TNRC6C: variants seen among roughly 807,000 people sequenced by gnomAD.
The protein encoded by TNRC6C is trinucleotide repeat containing adaptor 6C.
TNRC6C carries 20 observed loss-of-function variants against 153.7 expected under a neutral mutation model. The observed-to-expected ratio is 0.13, with a 90% CI of 0.09 to 0.19. TNRC6C has a LOEUF of 0.19. TNRC6C is among the 10% of genes least tolerant of loss of function. The probability of loss-of-function intolerance (pLI) is 1.00; values close to 1 mark genes in which losing one functional copy is unlikely to be tolerated. For synonymous variants in TNRC6C, 811 were observed against 841.4 expected, an observed-to-expected ratio of 0.96 and a Z score of 0.63; for missense variants, 1,987 against 2,172.0, an observed-to-expected ratio of 0.91 and a Z score of 1.69.
intron 1 of TNRC6C, among the ~76,000 whole-genome samples, chr17:78,015,953 G>T (rs1005189022): frequency 1.3e-5 from 2 of 152,096 alleles, no homozygotes; most frequent in African/African-American, 4.8e-5. Flanking sequence ...AAGTCTATAT[G>T]CTCTTAACCA....
chr17:77,965,759 TA>T (rs2070892119), intron 1 of TNRC6C, among the ~76,000 whole-genome samples: 1 of 152,156 alleles, frequency 6.6e-6, no homozygotes, highest in African/African-American at 2.4e-5. Flanking sequence ...AAACCTAAGG[TA>T]ATAGATCATT....
At chr17:78,102,741 C>CT (rs2073620514) in intron 18 of TNRC6C, 197 bp downstream of exon 21, 1 of 547,670 alleles carries the variant, frequency 1.8e-6, no homozygotes. Context: ...GCCCAGGGGC[C>CT]TCTTTTAACC....
intron 1 of TNRC6C, among the ~76,000 whole-genome samples, chr17:78,030,443 G>A (rs1044251912): frequency 6.6e-6 from 1 of 151,984 alleles, no homozygotes; most frequent in African/African-American, 2.4e-5. Context: ...TATGTGACTG[G>A]CAGGATGGTA....
intron 1 of TNRC6C, among the ~76,000 whole-genome samples, chr17:77,997,718 G>A (rs1431339121): frequency 6.6e-6 from 1 of 151,640 alleles, no homozygotes; most frequent in African/African-American, 2.4e-5. Flanking sequence ...GTGCAGTGGC[G>A]CGATCTCAGC....
chr17:78,083,524 A>G (rs2073219500), intron 11 of TNRC6C, among the ~76,000 whole-genome samples: 2 of 152,156 alleles, frequency 1.3e-5, no homozygotes, highest in South Asian at 4.1e-4. Context: ...GTGTTCAGAA[A>G]ATCTACCAAT....
intron 1 of TNRC6C, among the ~76,000 whole-genome samples, chr17:78,028,747 T>C (rs1325899195): frequency 6.6e-6 from 1 of 152,236 alleles, no homozygotes; most frequent in Non-Finnish European, 1.5e-5. Flanking sequence ...ATAAAAGGTA[T>C]GTACAGAACT....
intron 1 of TNRC6C, among the ~76,000 whole-genome samples, chr17:77,990,398 CCT>C (rs2071231651): frequency 6.6e-6 from 1 of 152,192 alleles, no homozygotes; most frequent in Non-Finnish European, 1.5e-5. Flanking sequence ...AAAAATTTAA[CCT>C]AAGTCTTCCC....
At chr17:78,092,282 T>C (rs1177163796) in intron 14 of TNRC6C, among the ~76,000 whole-genome samples, 4 of 152,220 alleles carry the variant, frequency 2.6e-5, no homozygotes, top group Admixed American at 2.6e-4. Context: ...CGGAAAATCA[T>C]CACACACTGC....
intron 1 of TNRC6C, among the ~76,000 whole-genome samples, chr17:78,017,535 G>A (rs2071750930): frequency 6.6e-6 from 1 of 152,190 alleles, no homozygotes; most frequent in Non-Finnish European, 1.5e-5. Flanking sequence ...TGACTGCACA[G>A]CTGTTCAGCT....
At chr17:77,958,468 A>T (rs2070829399), upstream of TNRC6C, among the ~76,000 whole-genome samples, 1 of 151,090 alleles carries the variant, frequency 6.6e-6, no homozygotes, top group Non-Finnish European at 1.5e-5. Context: ...GCGGGCGGGT[A>T]TTAAGGGGAA....
rs774470494 is a variant in TNRC6C at position 78,049,653 on chromosome 17, C to G, written c.591C>G (p.Ile197Met). 14 of 1,613,532 alleles carry G rather than the reference C, an allele frequency of 8.7e-6. No individual in the cohort carries two copies. The highest frequency in any genetic ancestry group is 5.0e-5 in the Admixed American group (3 of 60,002). The change falls in exon 3 of 20, where the codon ATC becomes ATG. Residue 197 changes from isoleucine to methionine, a missense_variant. Physicochemically the swap from Ile to Met is conservative, Grantham distance 10. This residue lies in a region of TNRC6C where 1,052 missense variants were observed against 1,017.0 expected (regional missense o/e 1.03). Transcript: ENST00000301624. The surrounding 1 kb of genome is among the most constrained non-coding windows in gnomAD (Gnocchi z 4.1). ...CCATGAACTCTTCACCCAACCCTATCAATGCAATGCAGACAAATGGACTGC... is the reference window on the plus strand; with the variant it reads ...CCATGAACTCTTCACCCAACCCTATGAATGCAATGCAGACAAATGGACTGC...
chr17:78,049,115 A>G lies in TNRC6C; in HGVS notation c.53A>G (p.Asn18Ser). ...TTCACTGGACATACCAAGAAGACAAATGGCAATAATGGCACCAATGGCGCA... is the reference window on the plus strand; with the variant it reads ...TTCACTGGACATACCAAGAAGACAAGTGGCAATAATGGCACCAATGGCGCA... The change falls in exon 3 of 20, where the codon AAT (asparagine) becomes AGT (serine). Residue 18 changes from asparagine to serine, a missense_variant. Transcript: ENST00000301624. The surrounding 1 kb of genome is among the most constrained non-coding windows in gnomAD (Gnocchi z 4.1). 1 of 1,585,118 alleles carries G rather than the reference A, an allele frequency of 6.3e-7. No individual in the cohort carries two copies. The highest frequency in any genetic ancestry group is 1.2e-5 in the South Asian group (1 of 85,502).
chr17:78,033,399 G>A (rs1165968998), intron 2 of TNRC6C, among the ~76,000 whole-genome samples: 1 of 152,214 alleles, frequency 6.6e-6, no homozygotes, highest in East Asian at 1.9e-4. Flanking sequence ...GCTGGGCACA[G>A]TGGCTCACGC....
chr17:78,077,354 G>A lies in TNRC6C; in HGVS notation c.3210+20G>A. 2 of 1,562,626 alleles carry A rather than the reference G, an allele frequency of 1.3e-6. No individual in the cohort carries two copies. The highest frequency in any genetic ancestry group is 1.2e-5 in the South Asian group (1 of 84,636). ...AGACAGGTAAGGCTGTTTGGAGAGAGCAAAACATGGCCTTTGTTTTACCTG... is the reference window on the plus strand; with the variant it reads ...AGACAGGTAAGGCTGTTTGGAGAGAACAAAACATGGCCTTTGTTTTACCTG... On this transcript the variant is annotated intron_variant, in intron 9 of 19. Coordinates refer to ENST00000301624, the Ensembl canonical transcript of TNRC6C.
chr17:78,036,519 A>C (rs1382295414), intron 2 of TNRC6C, among the ~76,000 whole-genome samples: 1 of 152,222 alleles, frequency 6.6e-6, no homozygotes, highest in African/African-American at 2.4e-5. Context: ...GAAATGGGAA[A>C]GTTTTTAAAG....
At chr17:78,051,294 G>A in exon 3 of TNRC6C, 1 of 1,552,002 alleles carries the variant, frequency 6.4e-7, no homozygotes, top group Non-Finnish European at 8.7e-7. Context: ...CTGTAAACAT[G>A]TGGGATAGAA....
chr17:78,089,313 G>T (rs1028194439), intron 13 of TNRC6C, among the ~76,000 whole-genome samples: 1 of 152,106 alleles, frequency 6.6e-6, no homozygotes, highest in African/African-American at 2.4e-5. Flanking sequence ...ACAAGTTAAA[G>T]AATTCATGCA....
intron 16 of TNRC6C, among the ~76,000 whole-genome samples, chr17:78,097,217 C>T (rs2073503182): frequency 6.6e-6 from 1 of 152,046 alleles, no homozygotes; most frequent in Admixed American, 6.6e-5. Flanking sequence ...ATTGCAACAG[C>T]CCCATCTCTT....
rs544430142 is a variant in TNRC6C at position 78,065,905 on chromosome 17, G to A, written c.2611+968G>A. 3.9e-5 allele frequency among the ~76,000 whole-genome samples: 6 copies of A among 152,218 alleles called. No individual in the cohort carries two copies. The South Asian group carries it at 1.0e-3, about 26-fold the overall frequency. The stretch of plus-strand genomic sequence containing the variant: ...AATGTGATATTTGTAATATTAACAT[G>A]AGTATAAGATTACTGATTTAAATCT... On this transcript the variant is annotated intron_variant, in intron 4 of 19. Coordinates refer to ENST00000301624, the Ensembl canonical transcript of TNRC6C.
Sources: gnomAD v4.1 joint callset for allele counts (sites outside exome capture counted in the v4.1 genomes callset) on GRCh38, gnomAD v4.1.1 for gene constraint, gnomAD v4.1.1 regional missense constraint, Gnocchi (gnomAD v3.1) non-coding constraint, MANE v1.5 for transcripts, NCBI Gene and HGNC (gene_info 2026-07-23, HGNC 2026-07-21) for gene names.